Variants in GYS1 observed in about 807,000 individuals in gnomAD.
The protein encoded by GYS1 is glycogen synthase 1, also known as glycogen [starch] synthase, muscle.
GYS1 carries 60 observed loss-of-function variants against 89.1 expected under a neutral mutation model. That is an observed-to-expected ratio of 0.67 (90% CI 0.55 to 0.84). The LOEUF is 0.84. Among genes scored for constraint, GYS1 ranks in the 40% least tolerant of loss-of-function variants. The pLI is 0.00. For synonymous variants in GYS1, 366 were observed against 401.7 expected, an observed-to-expected ratio of 0.91 and a Z score of 1.06; for missense variants, 888 against 1,003.1, an observed-to-expected ratio of 0.89 and a Z score of 1.55.
In GYS1 at chr19:48,989,915, C is replaced by T. The variant is rs372838632; in HGVS notation, c.300+1387G>A. Among the ~76,000 whole-genome samples the T allele has an allele frequency of 1.3e-3, 195 of 152,000 alleles. 1 individual carries two copies. Among genetic ancestry groups the T allele is most frequent in the African/African-American group, 4.3e-3 (180 of 41,482 alleles). The stretch of plus-strand genomic sequence containing the variant: ...TGCCACAGCAGTGGAGAAGCAGCCC[C>T]GCTCCTCGCCGACCTGGCTTTTTGC... On this transcript the variant is annotated intron_variant, in intron 2 of 15. Coordinates refer to ENST00000323798, the MANE Select transcript of GYS1 (RefSeq NM_002103.5).
chr19:48,986,089 G>A (rs1199265767), intron 3 of GYS1, 54 bp from the exon 4 acceptor site: 15 of 1,546,892 alleles, frequency 9.7e-6, no homozygotes, highest in South Asian at 2.2e-5. Flanking sequence ...GAAAAGAATC[G>A]GCAATCCCCA....
chr19:48,978,664 C>T (rs1025149775), intron 8 of GYS1, among the ~76,000 whole-genome samples: 6 of 151,350 alleles, frequency 4.0e-5, no homozygotes, highest in Non-Finnish European at 7.4e-5. Flanking sequence ...CCTGAGTAGC[C>T]GGGATTACAG....
intron 10 of GYS1, among the ~76,000 whole-genome samples, chr19:48,977,421 C>T (rs1468109255): frequency 3.3e-5 from 5 of 151,892 alleles, no homozygotes; most frequent in Non-Finnish European, 7.4e-5. Flanking sequence ...GGTGAAATCT[C>T]GTTTCTACTA....
Position 48,984,297 on chromosome 19 carries a change from G to A in GYS1, c.823+1164C>T, listed in dbSNP as rs567422688. Among the ~76,000 whole-genome samples, 22 of 152,020 alleles carry A rather than the reference G, an allele frequency of 1.4e-4. No homozygotes were observed. In the East Asian group the frequency reaches 2.5e-3, roughly 17 times the overall value. Reference sequence around the variant, plus strand: ...GCTGGGATTACAGGTGTAAGCCACCGTGCCCAGCCAAGTTATGATTTTTCA... The same window carrying A: ...GCTGGGATTACAGGTGTAAGCCACCATGCCCAGCCAAGTTATGATTTTTCA... On this transcript the variant is annotated intron_variant, in intron 5 of 15. Coordinates refer to ENST00000323798, the MANE Select transcript of GYS1 (RefSeq NM_002103.5).
rs1179508533 is a variant in GYS1 at position 48,978,102 on chromosome 19, G to A, written c.1225C>T (p.Leu409=). 6.2e-7 allele frequency: 1 copy of A among 1,613,810 alleles called. No individual in the cohort carries two copies. Among genetic ancestry groups the A allele is most frequent in the Non-Finnish European group, 8.5e-7 (1 of 1,179,688 alleles). The change falls in exon 9 of 16, where the codon CTG becomes TTG. Residue 409 remains leucine, a synonymous_variant. Coordinates refer to ENST00000323798, the MANE Select transcript of GYS1 (RefSeq NM_002103.5). ...KFGRKLYESL[L]VGSLPDMNKM... is the part of the protein sequence containing the mutation. ...GGCTGAGGGTGGGGCACTCACACCA[G>A]TAAGGATTCATAAAGCTTCCTCCCG...
At chr19:48,982,990 G>A (rs1420593002) in intron 5 of GYS1, among the ~76,000 whole-genome samples, 153 bp from the exon 6 acceptor site, 1 of 151,936 alleles carries the variant, frequency 6.6e-6, no homozygotes, top group Non-Finnish European at 1.5e-5. Context: ...TTTTTTGTTT[G>A]TTTGTTTGTT....
In GYS1 at chr19:48,974,655, T is replaced by C. The variant is rs763599409; in HGVS notation, c.1387A>G (p.Ile463Val). 10 of 1,613,944 alleles carry C rather than the reference T, an allele frequency of 6.2e-6. No individual in the cohort carries two copies. Among genetic ancestry groups the C allele is most frequent in the African/African-American group, 4.0e-5 (3 of 74,914 alleles). Residue 463 changes from isoleucine to valine, a missense_variant, in exon 11 of 16, where the codon ATC (isoleucine) becomes GTC (valine). Transcript: ENST00000323798. The stretch of plus-strand genomic sequence containing the variant: ...TCGGCACTGCTATTGAAGAGGCCGA[T>C]TCGGCGGATGGTGGTCAGGATGGGG... ...SDPILTTIRR[I>V]GLFNSSADRV...
In GYS1 at chr19:48,969,249, CAG is replaced by C. The variant is rs1250443178; in HGVS notation, c.*37_*38del. 3 of 1,506,718 alleles carry C rather than the reference CAG, an allele frequency of 2.0e-6. No individual in the cohort carries two copies. Among genetic ancestry groups the C allele is most frequent in the East Asian group, 2.4e-5 (1 of 40,840 alleles). The allele number at this position is 1,506,718 out of a possible 1,614,324, so 93.3% of individuals were successfully genotyped here. ...ACCCCTCTGCATCCTCTCTCTGGAG[CAG>C]AGAGGCAGGACAGGCGGGGAGTGTG... On this transcript the variant is annotated 3_prime_UTR_variant, in exon 16 of 16. Coordinates refer to ENST00000323798, the MANE Select transcript of GYS1 (RefSeq NM_002103.5).
In GYS1 at chr19:48,991,616, G is replaced by T; in HGVS notation, c.119-133C>A. The T allele has an allele frequency of 1.0e-6, 1 of 958,836 alleles. No homozygotes were observed. Among genetic ancestry groups the T allele is most frequent in the Non-Finnish European group, 1.6e-6 (1 of 624,886 alleles). The allele number at this position is 958,836 out of a possible 1,614,324, so 59.4% of individuals were successfully genotyped here. A position where few individuals can be genotyped will look rare whatever the true frequency, so the allele number is the denominator to read the frequency against. ...GCTCAGGGGGAAGAGGGGACTGGGA[G>T]CCCATAGTTTGGAGTAGGGGTTGGA... On this transcript the variant is annotated intron_variant, in intron 1 of 15. Coordinates refer to ENST00000323798, the MANE Select transcript of GYS1 (RefSeq NM_002103.5). This position sits in a 1 kb window ranked among gnomAD's most constrained non-coding sequence, Gnocchi z 4.7.
At position 48,993,180 on chromosome 19, in the gene GYS1, C is replaced by T; in HGVS notation, c.-68G>A. On this transcript the variant is annotated 5_prime_UTR_variant, in exon 1 of 16. The change creates a new upstream start codon in the 5' untranslated region. Coordinates refer to ENST00000323798, the MANE Select transcript of GYS1 (RefSeq NM_002103.5). The stretch of plus-strand genomic sequence containing the variant: ...ACCCCGGAGGTGTCTAGGGAATGCA[C>T]CAGGTAGGGTGCGGGGCCGAGTAGC... 1.1e-6 allele frequency: 1 copy of T among 899,628 alleles called. No individual in the cohort carries two copies. The highest frequency in any genetic ancestry group is 1.3e-5 in the South Asian group (1 of 76,684). The allele number at this position is 899,628 out of a possible 1,614,324, so 55.7% of individuals were successfully genotyped here. A position where few individuals can be genotyped will look rare whatever the true frequency, so the allele number is the denominator to read the frequency against.
At chr19:48,990,386 C>T (rs1375135649) in intron 2 of GYS1, among the ~76,000 whole-genome samples, 1 of 152,116 alleles carries the variant, frequency 6.6e-6, no homozygotes. Flanking sequence ...CTCTCTTCCC[C>T]GATATTCCAT....
At chr19:48,984,672 G>C (rs1196253960) in intron 5 of GYS1, among the ~76,000 whole-genome samples, 1 of 152,110 alleles carries the variant, frequency 6.6e-6, no homozygotes, top group South Asian at 2.1e-4. Context: ...GGGATTACAG[G>C]TGTGAGCCAC....
At chr19:48,974,925 TTTA>T (rs1457456165) in intron 10 of GYS1, among the ~76,000 whole-genome samples, 192 bp from the exon 11 acceptor site, 1 of 138,910 alleles carries the variant, frequency 7.2e-6, no homozygotes, top group Non-Finnish European at 1.6e-5. Flanking sequence ...TTTCTTTTCT[TTTA>T]AATTATTATT....
In GYS1 at chr19:48,987,227, G is replaced by T. The variant is rs1202498341; in HGVS notation, c.459C>A (p.Leu153=). ...GGAACCAGGTGGTCAGAAAGCCAAA[G>T]AGGACAGCGTCGTTGGCCTCGCGGT... ...WYDREANDAV[L]FGFLTTWFLG... Residue 153 remains leucine (L), a synonymous_variant, in exon 3 of 16, where the codon CTC becomes CTA. Coordinates refer to ENST00000323798, the MANE Select transcript of GYS1 (RefSeq NM_002103.5). The T allele has an allele frequency of 6.2e-7, 1 of 1,613,700 alleles. No homozygotes were observed. Among genetic ancestry groups the T allele is most frequent in the Admixed American group, 1.7e-5 (1 of 59,964 alleles).
chr19:48,985,337 G>T, intron 5 of GYS1, 124 bp downstream of exon 5: 3 of 995,732 alleles, frequency 3.0e-6, no homozygotes, highest in Non-Finnish European at 3.1e-6. Context: ...ATGCCCAGCC[G>T]AAATACGTTT....
In GYS1 at chr19:48,989,453, G is replaced by A. The variant is rs190347054; in HGVS notation, c.300+1849C>T. On this transcript the variant is annotated intron_variant, in intron 2 of 15. Coordinates refer to ENST00000323798, the MANE Select transcript of GYS1 (RefSeq NM_002103.5). Reference sequence around the variant, plus strand: ...GTCGAGATTGTACCACTGCACTCCAGACTCAGCGACAGAGTGAGATTCTAT... The same window carrying A: ...GTCGAGATTGTACCACTGCACTCCAAACTCAGCGACAGAGTGAGATTCTAT... Among the ~76,000 whole-genome samples, 524 of 142,628 alleles carry A rather than the reference G, an allele frequency of 3.7e-3. 3 individuals carry two copies. The highest frequency in any genetic ancestry group is 0.012 in the African/African-American group (472 of 37,962). 93.6% of individuals were successfully genotyped at this position (142,628 alleles called of 152,430 possible).
At position 48,981,637 on chromosome 19, in the gene GYS1, C is replaced by T. The variant is rs112785969; in HGVS notation, c.1063-1G>A. ...CCACTGTCTGCTCGCTGCCGTTCAC[C>T]TGCGCAGAAAGAAAGGAGGGGGAGG... On this transcript the variant is annotated splice_acceptor_variant, in intron 7 of 15. Transcript: ENST00000323798. LOFTEE classifies it high-confidence loss of function. 1 of 1,601,464 alleles carries T rather than the reference C, an allele frequency of 6.2e-7. No individual in the cohort carries two copies. Among genetic ancestry groups the T allele is most frequent in the Non-Finnish European group, 8.6e-7 (1 of 1,168,502 alleles).
At position 48,985,570 on chromosome 19, in the gene GYS1, G is replaced by T; in HGVS notation, c.714C>A (p.Ile238=). ...CCCTTTCCATGCAGTATCGGTGGTAGATCTGCCTCTCCCCTGCTTCCTTGT... is the reference window on the plus strand; with the variant it reads ...CCCTTTCCATGCAGTATCGGTGGTATATCTGCCTCTCCCCTGCTTCCTTGT... ...NVDKEAGERQ[I]YHRYCMERAA... is the part of the protein sequence containing the mutation. The change falls in exon 5 of 16, where the codon ATC becomes ATA. Residue 238 remains isoleucine, a synonymous_variant. Coordinates refer to ENST00000323798, the MANE Select transcript of GYS1 (RefSeq NM_002103.5). 6 of 1,613,976 alleles carry T rather than the reference G, an allele frequency of 3.7e-6. No homozygotes were observed. The highest frequency in any genetic ancestry group is 5.1e-6 in the Non-Finnish European group (6 of 1,179,872).
chr19:48,972,113 G>A (rs1338473795), intron 12 of GYS1, among the ~76,000 whole-genome samples: 2 of 150,508 alleles, frequency 1.3e-5, no homozygotes, highest in African/African-American at 4.9e-5. Context: ...GGTGGATCAC[G>A]AGGTCAAGAA....
Sources: gnomAD v4.1 joint callset for allele counts (sites outside exome capture counted in the v4.1 genomes callset) on GRCh38, gnomAD v4.1.1 for gene constraint, Gnocchi (gnomAD v3.1) non-coding constraint, MANE v1.5 for transcripts, NCBI Gene and HGNC (gene_info 2026-07-23, HGNC 2026-07-21) for gene names.